The following ATP2B1 variants were observed in gnomAD, a reference collection of about 807,000 sequenced individuals.
ATP2B1 encodes the protein plasma membrane calcium-transporting ATPase 1.
ATP2B1 carries 14 observed loss-of-function variants against 124.2 expected under a neutral mutation model. That is an observed-to-expected ratio of 0.11 (90% CI 0.07 to 0.18). ATP2B1 has a LOEUF of 0.18. ATP2B1 is among the 10% of genes least tolerant of loss of function. The pLI is 1.00. For synonymous variants in ATP2B1, 449 were observed against 492.4 expected, an observed-to-expected ratio of 0.91 and a Z score of 1.17; for missense variants, 763 against 1,466.1, an observed-to-expected ratio of 0.52 and a Z score of 7.83.
In ATP2B1 at chr12:89,588,531, G is replaced by A. The variant is rs182188093; in HGVS notation, c.*2453C>T. The A allele has an allele frequency of 2.0e-5, 3 of 152,596 alleles. No individual in the cohort carries two copies. The highest frequency in any genetic ancestry group is 1.9e-4 in the East Asian group (1 of 5,190). The allele number at this position is 152,596 out of a possible 1,614,324, so 9.5% of individuals were successfully genotyped here. On this transcript the variant is annotated 3_prime_UTR_variant, in exon 21 of 21. Transcript: ENST00000428670. ...TTTCAGCTATACATACTATATAATGGGATCCAAGATCTTTAACAGCTTGCT... is the reference window on the plus strand; with the variant it reads ...TTTCAGCTATACATACTATATAATGAGATCCAAGATCTTTAACAGCTTGCT...
At chr12:89,633,432 CCTAATGTT>C (rs1862331893) in intron 5 of ATP2B1, among the ~76,000 whole-genome samples, 1 of 151,360 alleles carries the variant, frequency 6.6e-6, no homozygotes, top group Admixed American at 6.6e-5. Flanking sequence ...ACGTATATCT[CCTAATGTT>C]CTAAGTGGCA....
chr12:89,609,568 T>C (rs1190702391), intron 15 of ATP2B1, among the ~76,000 whole-genome samples: 3 of 152,178 alleles, frequency 2.0e-5, no homozygotes, highest in Admixed American at 2.0e-4. Context: ...AGTAGATGAA[T>C]GGAAGAGTTT....
chr12:89,693,896 T>A (rs970516439), intron 1 of ATP2B1, among the ~76,000 whole-genome samples: 1 of 152,224 alleles, frequency 6.6e-6, no homozygotes, highest in Non-Finnish European at 1.5e-5. Flanking sequence ...GGAAACTGGA[T>A]AAATAATAGC....
Position 89,621,653 on chromosome 12 carries a change from T to C in ATP2B1, c.1483A>G (p.Lys495Glu), listed in dbSNP as rs1196405697. ...MTVVQAYINE[K>E]HYKKVPEPEA... is the part of the protein sequence containing the mutation. ...GGTTCAGGAACCTTTTTATAATGTT[T>C]TTCATTTATGTAAGCTTGAACGACT... The change falls in exon 10 of 21, where the codon AAA (lysine) becomes GAA (glutamate). Residue 495 changes from lysine to glutamate, a missense_variant. Lys to Glu is a moderately conservative substitution (Grantham distance 56). This residue lies in a region of ATP2B1 where 392 missense variants were observed against 776.6 expected (regional missense o/e 0.50). Coordinates refer to ENST00000428670, the MANE Select transcript of ATP2B1 (RefSeq NM_001366521.1). 6.2e-7 allele frequency: 1 copy of C among 1,612,136 alleles called. No individual in the cohort carries two copies.
At chr12:89,621,497 GATC>G in intron 10 of ATP2B1, 49 bp downstream of exon 10, 1 of 1,365,634 alleles carries the variant, frequency 7.3e-7, no homozygotes, top group Non-Finnish European at 9.8e-7. Flanking sequence ...CATATAGTCT[GATC>G]ATTATAGATT....
At chr12:89,706,091 T>C (rs1192387459) in intron 1 of ATP2B1, among the ~76,000 whole-genome samples, 2 of 152,162 alleles carry the variant, frequency 1.3e-5, no homozygotes, top group South Asian at 2.1e-4. Flanking sequence ...GGGAAAGAAA[T>C]CTCAACTGTC....
chr12:89,606,423 A>T (rs1876876666), intron 15 of ATP2B1, among the ~76,000 whole-genome samples: 1 of 152,222 alleles, frequency 6.6e-6, no homozygotes, highest in Non-Finnish European at 1.5e-5. Flanking sequence ...TTATAGAACT[A>T]CTTGACCTTT....
intron 1 of ATP2B1, among the ~76,000 whole-genome samples, chr12:89,687,678 A>T (rs1342433731): frequency 6.6e-6 from 1 of 152,080 alleles, no homozygotes; most frequent in African/African-American, 2.4e-5. Context: ...CATACACTCT[A>T]TTTACTAAGA....
chr12:89,614,350 A>C (rs1878574631), intron 12 of ATP2B1, among the ~76,000 whole-genome samples: 1 of 152,162 alleles, frequency 6.6e-6, no homozygotes, highest in Non-Finnish European at 1.5e-5. Flanking sequence ...AAAGAAAACA[A>C]AAACAAGACA....
chr12:89,628,485 C>T (rs1881305736), intron 6 of ATP2B1, among the ~76,000 whole-genome samples: 1 of 147,436 alleles, frequency 6.8e-6, no homozygotes, highest in Non-Finnish European at 1.5e-5. Context: ...AAAATATGTA[C>T]AAAAGATAGG....
chr12:89,681,609 A>G (rs918839482), intron 1 of ATP2B1, among the ~76,000 whole-genome samples: 2 of 152,150 alleles, frequency 1.3e-5, no homozygotes, highest in Non-Finnish European at 2.9e-5. Flanking sequence ...GAAAATTTAG[A>G]CCAACATTAC....
At chr12:89,650,110 T>C (rs1236123187) in intron 2 of ATP2B1, among the ~76,000 whole-genome samples, 2 of 152,190 alleles carry the variant, frequency 1.3e-5, no homozygotes, top group East Asian at 3.9e-4. Context: ...GCCTCAGGTA[T>C]TTCTTTATAG....
At chr12:89,613,933 G>A (rs1271073038) in intron 12 of ATP2B1, among the ~76,000 whole-genome samples, 1 of 152,134 alleles carries the variant, frequency 6.6e-6, no homozygotes, top group African/African-American at 2.4e-5. Flanking sequence ...GAATTGCACT[G>A]TACAAAATAA....
rs953508852 is a variant in ATP2B1 at position 89,588,127 on chromosome 12, T to A, written c.*2857A>T. ...TACAAATAGACAAATAATAAAAGGC[T>A]CAGTGGCTAAAATAGATGGTAAGCA... On this transcript the variant is annotated 3_prime_UTR_variant, in exon 21 of 21. Coordinates refer to ENST00000428670, the MANE Select transcript of ATP2B1 (RefSeq NM_001366521.1). The A allele has an allele frequency of 6.6e-6, 1 of 152,554 alleles. No homozygotes were observed. Among genetic ancestry groups the A allele is most frequent in the Non-Finnish European group, 1.5e-5 (1 of 68,002 alleles). 9.5% of individuals were successfully genotyped at this position (152,554 alleles called of 1,614,324 possible).
rs1203927742 is a variant in ATP2B1, at chr12:89,635,082, C to A, written c.576G>T (p.Gln192His). The A allele has an allele frequency of 6.2e-7, 1 of 1,613,964 alleles. No individual in the cohort carries two copies. The highest frequency in any genetic ancestry group is 8.5e-7 in the Non-Finnish European group (1 of 1,179,908). Residue 192 changes from glutamine (Q) to histidine (H), a missense_variant, in exon 4 of 21, where the codon CAG becomes CAT. Physicochemically the swap from Gln to His is conservative, Grantham distance 24. Coordinates refer to ENST00000428670, the MANE Select transcript of ATP2B1 (RefSeq NM_001366521.1). ...RGLQSRIEQE[Q>H]KFTVIRGGQV... ...GACCACCCCTGATGACAGTGAACTT[C>A]TGTTCTTGTTCAATTCGGCTCTGCA...
chr12:89,701,742 T>C (rs1891876752), intron 1 of ATP2B1, among the ~76,000 whole-genome samples: 1 of 152,190 alleles, frequency 6.6e-6, no homozygotes, highest in Non-Finnish European at 1.5e-5. Flanking sequence ...AAACAGGTTC[T>C]TTGCTGTGTC....
At chr12:89,701,784 C>T (rs902756928) in intron 1 of ATP2B1, among the ~76,000 whole-genome samples, 5 of 152,030 alleles carry the variant, frequency 3.3e-5, no homozygotes, top group African/African-American at 1.2e-4. Flanking sequence ...TGGCCTCAAG[C>T]GAACCTCCTG....
At chr12:89,592,577 T>TTA (rs1401223034) in intron 20 of ATP2B1, among the ~76,000 whole-genome samples, 1 of 152,006 alleles carries the variant, frequency 6.6e-6, no homozygotes, top group East Asian at 1.9e-4. Context: ...ACTTAGCCCT[T>TTA]TATATAGAGA....
intron 1 of ATP2B1, among the ~76,000 whole-genome samples, chr12:89,677,449 T>C (rs1214416205): frequency 6.6e-6 from 1 of 152,130 alleles, no homozygotes; most frequent in Non-Finnish European, 1.5e-5. Flanking sequence ...AATGGCAATA[T>C]CTGATTCACC....
Sources: allele counts gnomAD v4.1 joint callset (sites outside exome capture counted in the v4.1 genomes callset), GRCh38; gene constraint gnomAD v4.1.1; regional missense constraint gnomAD v4.1.1; transcripts MANE v1.5; gene names NCBI Gene and HGNC (gene_info 2026-07-23, HGNC 2026-07-21).